ZNF16: variants seen among roughly 807,000 people sequenced by gnomAD.
The protein encoded by ZNF16 is zinc finger protein KOX9.
In ZNF16, 7 loss-of-function variants were observed where a neutral mutation model predicts 9.0. The ratio of observed to expected loss-of-function variants is 0.78; its 90% CI spans 0.44 to 1.47. ZNF16 has a LOEUF of 1.47. ZNF16 is among the 40% of genes most tolerant of loss of function. The pLI is 0.01. For missense variants in ZNF16, 830 were observed against 854.2 expected (o/e 0.97, Z 0.35); for synonymous variants, 312 against 301.5 (o/e 1.03, Z -0.36).
chr8:144,943,351 G>T (rs1165707680), intron 2 of ZNF16, among the ~76,000 whole-genome samples: 1 of 151,942 alleles, frequency 6.6e-6, no homozygotes, highest in African/African-American at 2.4e-5. Flanking sequence ...TCAGTTTGTT[G>T]AACTGCTTGT....
rs1833570517 is a variant in ZNF16, at chr8:144,932,252, T to C, written c.535A>G (p.Arg179Gly). The C allele has an allele frequency of 6.2e-7, 1 of 1,614,204 alleles. No individual in the cohort carries two copies. The highest frequency in any genetic ancestry group is 1.7e-5 in the Admixed American group (1 of 60,026). ...CCACCCATGTCATATGGATGTGGCCTCTCTTCTGTAGGGATTTCCTGACAT... is the reference window on the plus strand; with the variant it reads ...CCACCCATGTCATATGGATGTGGCCCCTCTTCTGTAGGGATTTCCTGACAT... ...MACQEIPTEE[R>G]PHPYDMGGQS... The change falls in exon 3 of 3, where the codon AGG becomes GGG. Residue 179 changes from arginine to glycine, a missense_variant. Coordinates refer to ENST00000394909, the MANE Select transcript of ZNF16 (RefSeq NM_006958.3). The surrounding 1 kb of genome is among the most constrained non-coding windows in gnomAD (Gnocchi z 5.0).
At chr8:144,935,129 A>G (rs892130369) in intron 2 of ZNF16, among the ~76,000 whole-genome samples, 2 of 152,184 alleles carry the variant, frequency 1.3e-5, no homozygotes, top group Non-Finnish European at 2.9e-5. Flanking sequence ...TCTCTGTAAT[A>G]TAAGAATTGT....
chr8:144,931,578 C>T lies in ZNF16; in HGVS notation c.1209G>A (p.Lys403=). The change falls in exon 3 of 3, where the codon AAG becomes AAA. Residue 403 remains lysine, a synonymous_variant. Coordinates refer to ENST00000394909, the MANE Select transcript of ZNF16 (RefSeq NM_006958.3). The part of the protein sequence containing the change: ...RKHQRVHTGE[K]PYECNDCGKP... ...TGCCACAATCATTACACTCATAAGG[C>T]TTCTCTCCAGTGTGGACCCTCTGGT... 1 of 1,614,164 alleles carries T rather than the reference C, an allele frequency of 6.2e-7. No individual in the cohort carries two copies. The highest frequency in any genetic ancestry group is 1.1e-5 in the South Asian group (1 of 91,088).
chr8:144,942,268 A>G (rs373096883), intron 2 of ZNF16, among the ~76,000 whole-genome samples: 32 of 144,198 alleles, frequency 2.2e-4, no homozygotes, highest in East Asian at 1.7e-3. Flanking sequence ...ATGAGCCACC[A>G]TGCCTGGCCC....
At chr8:144,946,579 GTCCTGCTGTGGGTCTGTA>G (rs1833940675) in intron 1 of ZNF16, among the ~76,000 whole-genome samples, 4 of 128,744 alleles carry the variant, frequency 3.1e-5, no homozygotes, top group South Asian at 2.5e-4. Context: ...GTGGGCCTGT[GTCCTGCTGTGGGTCTGTA>G]TCCTGCTGTT....
In ZNF16 at chr8:144,932,394, G is replaced by A. The variant is rs1586948537; in HGVS notation, c.393C>T (p.Ser131=). Residue 131 remains serine, a synonymous_variant, in exon 3 of 3, where the codon TCC becomes TCT. Transcript: ENST00000394909. This position sits in a 1 kb window ranked among gnomAD's most constrained non-coding sequence, Gnocchi z 5.0. ...CAGCTGGTGTGAAGTCCCCCTCCTG[G>A]GAGAGGGACTGTGGCAGCCTCCTGC... ...PEGRRLPQSL[S]QEGDFTPAAM... is the part of the protein sequence containing the mutation. 1 of 1,614,164 alleles carries A rather than the reference G, an allele frequency of 6.2e-7. No homozygotes were observed. Among genetic ancestry groups the A allele is most frequent in the Non-Finnish European group, 8.5e-7 (1 of 1,180,036 alleles).
At chr8:144,950,091 T>C (rs1235925083) in intron 1 of ZNF16, among the ~76,000 whole-genome samples, 2 of 152,158 alleles carry the variant, frequency 1.3e-5, no homozygotes, top group Non-Finnish European at 2.9e-5. Context: ...TTTACTCCAC[T>C]GAGATGTTTG....
At chr8:144,934,131 T>C (rs754154576) in intron 2 of ZNF16, among the ~76,000 whole-genome samples, 1 of 152,216 alleles carries the variant, frequency 6.6e-6, no homozygotes, top group Non-Finnish European at 1.5e-5. Context: ...CAAGGAGCTG[T>C]GGTGTCAACA....
At position 144,931,870 on chromosome 8, in the gene ZNF16, G is replaced by C; in HGVS notation, c.917C>G (p.Ser306Trp). 1 of 1,614,186 alleles carries C rather than the reference G, an allele frequency of 6.2e-7. No individual in the cohort carries two copies. The highest frequency in any genetic ancestry group is 8.5e-7 in the Non-Finnish European group (1 of 1,180,034). The change falls in exon 3 of 3, where the codon TCG (serine) becomes TGG (tryptophan). Residue 306 changes from serine (S) to tryptophan (W), a missense_variant. Physicochemically the swap from Ser to Trp is radical, Grantham distance 177. Coordinates refer to ENST00000394909, the MANE Select transcript of ZNF16 (RefSeq NM_006958.3). ...NECGKAFSQN[S>W]SLKKHQKSHM... ...AGACTTTTGGTGCTTTTTAAGGCTC[G>C]AGTTCTGGCTGAAGGCTTTTCCACA... is the stretch of plus-strand genomic sequence containing the variant.
At chr8:144,941,342 A>G (rs1319786502) in intron 2 of ZNF16, among the ~76,000 whole-genome samples, 1 of 151,894 alleles carries the variant, frequency 6.6e-6, no homozygotes, top group African/African-American at 2.4e-5. Flanking sequence ...TATTTTGTCT[A>G]ATATTGGTAT....
At position 144,943,050 on chromosome 8, in the gene ZNF16, T is replaced by C. The variant is rs562801755; in HGVS notation, c.196+2961A>G. On this transcript the variant is annotated intron_variant, in intron 2 of 2. Transcript: ENST00000394909. ...GGCAGTCTATTTGTAACAAGCTTCC[T>C]CAGCTTTTATCTACCTGGATATGTT... Among the ~76,000 whole-genome samples the C allele has an allele frequency of 2.0e-5, 3 of 152,328 alleles. No homozygotes were observed. The South Asian group carries it at 6.2e-4, about 32-fold the overall frequency.
chr8:144,946,998 G>A (rs1401939208), intron 1 of ZNF16, among the ~76,000 whole-genome samples: 2 of 100,648 alleles, frequency 2.0e-5, no homozygotes, highest in Admixed American at 2.2e-4. Flanking sequence ...GTGGGGCTGT[G>A]TCCTGCTGTG....
intron 2 of ZNF16, among the ~76,000 whole-genome samples, chr8:144,943,637 AGCCTCCAGAGTAGCTGG>A (rs1221343431): frequency 6.6e-6 from 1 of 151,930 alleles, no homozygotes; most frequent in Non-Finnish European, 1.5e-5. Context: ...CTCCTGCCTC[AGCCTCCAGAGTAGCTGG>A]GACTACAGGC....
intron 1 of ZNF16, 40 bp from the exon 2 acceptor site, chr8:144,946,255 C>T: frequency 1.4e-6 from 2 of 1,450,960 alleles, no homozygotes; most frequent in Non-Finnish European, 1.8e-6. Flanking sequence ...TACAGACAGG[C>T]TAGCTCTAGG....
chr8:144,949,814 T>TA (rs1227049755), intron 1 of ZNF16, among the ~76,000 whole-genome samples: 1 of 152,176 alleles, frequency 6.6e-6, no homozygotes, highest in Non-Finnish European at 1.5e-5. Context: ...CCCCATGTGA[T>TA]AGTCTGAAAT....
At chr8:144,948,817 CT>C (rs1172410431) in intron 1 of ZNF16, among the ~76,000 whole-genome samples, 3 of 152,188 alleles carry the variant, frequency 2.0e-5, no homozygotes, top group Non-Finnish European at 4.4e-5. Context: ...TAAATGCCCC[CT>C]CTCACCCAGG....
intron 1 of ZNF16, 51 bp from the exon 2 acceptor site, chr8:144,946,266 G>C (rs1833925409): frequency 7.1e-7 from 1 of 1,415,712 alleles, no homozygotes. Flanking sequence ...TAGCTCTAGG[G>C]ATTCATCCTC....
rs865817815 is a variant in ZNF16 at position 144,946,574 on chromosome 8, C to T, written c.-9-359G>A. Among the ~76,000 whole-genome samples the T allele has an allele frequency of 1.8e-3, 249 of 139,676 alleles. 16 individuals are homozygous for T. The highest frequency in any genetic ancestry group is 7.5e-3 in the Middle Eastern group (2 of 266). The allele number at this position is 139,676 out of a possible 152,430, so 91.6% of individuals were successfully genotyped here. ...TGTGGGGCCTGTACCCTGCTGTGGG[C>T]CTGTGTCCTGCTGTGGGTCTGTATC... On this transcript the variant is annotated intron_variant, in intron 1 of 2. Transcript: ENST00000394909.
chr8:144,940,271 G>A (rs1833770185), intron 2 of ZNF16, among the ~76,000 whole-genome samples: 1 of 151,906 alleles, frequency 6.6e-6, no homozygotes, highest in Non-Finnish European at 1.5e-5. Flanking sequence ...GTAGAGATGG[G>A]GTCTCAACCA....
Sources: gnomAD v4.1 joint callset for allele counts (sites outside exome capture counted in the v4.1 genomes callset) on GRCh38, gnomAD v4.1.1 for gene constraint, Gnocchi (gnomAD v3.1) non-coding constraint, MANE v1.5 for transcripts, NCBI Gene and HGNC (gene_info 2026-07-23, HGNC 2026-07-21) for gene names.